MAP4K5: variants seen among roughly 807,000 people sequenced by gnomAD.
MAP4K5 encodes MAPK/ERK kinase kinase kinase 5.
MAP4K5 carries 82 observed loss-of-function variants against 135.6 expected under a neutral mutation model. The ratio of observed to expected loss-of-function variants is 0.60; its 90% CI spans 0.51 to 0.73. The LOEUF (loss-of-function observed/expected upper bound fraction) is 0.73. Ranked by LOEUF, MAP4K5 falls within the 30% of genes least tolerant of loss-of-function variation. The pLI is 0.00. For synonymous variants in MAP4K5, 347 were observed against 335.0 expected (o/e 1.04, Z -0.39); for missense variants, 907 against 1,010.9 (o/e 0.90, Z 1.39).
At chr14:50,460,103 C>G (rs1242313013) in intron 13 of MAP4K5, among the ~76,000 whole-genome samples, 1 of 152,110 alleles carries the variant, frequency 6.6e-6, no homozygotes, top group African/African-American at 2.4e-5. Flanking sequence ...CATTTATTCT[C>G]TTCCTCTAAT....
At chr14:50,519,122 C>A (rs1332561373) in intron 2 of MAP4K5, among the ~76,000 whole-genome samples, 4 of 151,712 alleles carry the variant, frequency 2.6e-5, no homozygotes, top group African/African-American at 9.7e-5. Context: ...TATAACTATA[C>A]AAGAAAATAA....
In MAP4K5 at chr14:50,440,448, T is replaced by C. The variant is rs2036202049; in HGVS notation, c.1565-7A>G. The stretch of plus-strand genomic sequence containing the variant: ...CCAAAAATAATGTACTGATCTAAAA[T>C]AGTTGAGATAAATCACCAGAATTTA... On this transcript the variant is annotated splice_polypyrimidine_tract_variant and splice_region_variant and intron_variant, in intron 21 of 32. Coordinates refer to ENST00000682126, the MANE Select transcript of MAP4K5 (RefSeq NM_006575.6). The C allele has an allele frequency of 5.5e-6, 8 of 1,449,492 alleles. No homozygotes were observed. The highest frequency in any genetic ancestry group is 6.7e-6 in the Non-Finnish European group (7 of 1,051,790). 89.8% of individuals were successfully genotyped at this position (1,449,492 alleles called of 1,614,324 possible). A position where few individuals can be genotyped will look rare whatever the true frequency, so the allele number is the denominator to read the frequency against.
intron 28 of MAP4K5, among the ~76,000 whole-genome samples, chr14:50,430,277 T>C (rs1346158604): frequency 6.6e-6 from 1 of 152,226 alleles, no homozygotes; most frequent in Admixed American, 6.5e-5. Flanking sequence ...GAGTTAAACA[T>C]GCCCAACTAC....
At chr14:50,486,959 G>A (rs2037376049) in intron 3 of MAP4K5, among the ~76,000 whole-genome samples, 1 of 151,452 alleles carries the variant, frequency 6.6e-6, no homozygotes, top group South Asian at 2.1e-4. Context: ...AGGCCAAGAA[G>A]GAAAAACTCA....
intron 3 of MAP4K5, among the ~76,000 whole-genome samples, chr14:50,494,567 A>G (rs2037555229): frequency 1.3e-5 from 2 of 152,216 alleles, no homozygotes; most frequent in African/African-American, 4.8e-5. Context: ...CAGAAATAAA[A>G]AAGAATCATT....
chr14:50,492,989 G>C (rs1163971354), intron 3 of MAP4K5, among the ~76,000 whole-genome samples: 2 of 148,182 alleles, frequency 1.3e-5, no homozygotes. Context: ...AGCTATGACT[G>C]CACCACTGCC....
At chr14:50,558,273 C>G (rs1262439515) in intron 1 of MAP4K5, among the ~76,000 whole-genome samples, 1 of 152,134 alleles carries the variant, frequency 6.6e-6, no homozygotes, top group Non-Finnish European at 1.5e-5. Context: ...GCATGAGAAT[C>G]GCTTGAACCT....
intron 2 of MAP4K5, among the ~76,000 whole-genome samples, chr14:50,507,886 C>A (rs2037846671): frequency 6.6e-6 from 1 of 152,212 alleles, no homozygotes; most frequent in South Asian, 2.1e-4. Flanking sequence ...GAGCTGAGTT[C>A]AAGTCCTGGA....
chr14:50,518,917 T>C (rs191763500), intron 2 of MAP4K5, among the ~76,000 whole-genome samples: 3 of 152,288 alleles, frequency 2.0e-5, no homozygotes, highest in Admixed American at 6.5e-5. Flanking sequence ...GCAAATTTTT[T>C]TGGAGAATAA....
intron 3 of MAP4K5, among the ~76,000 whole-genome samples, chr14:50,504,595 A>G (rs992010634): frequency 6.6e-6 from 1 of 152,124 alleles, no homozygotes; most frequent in Non-Finnish European, 1.5e-5. Flanking sequence ...GTGTCTTCCA[A>G]TTCTGAATGT....
chr14:50,489,775 T>G (rs890441970), intron 3 of MAP4K5, among the ~76,000 whole-genome samples: 3 of 152,164 alleles, frequency 2.0e-5, no homozygotes, highest in African/African-American at 4.8e-5. Context: ...CTTGAAAATG[T>G]GAACCATGGA....
At chr14:50,451,562 A>G (rs997965332) in intron 14 of MAP4K5, among the ~76,000 whole-genome samples, 2 of 152,198 alleles carry the variant, frequency 1.3e-5, no homozygotes, top group African/African-American at 4.8e-5. Flanking sequence ...ATACTGCAGT[A>G]CCTCATATCT....
chr14:50,491,614 C>T (rs1004015520), intron 3 of MAP4K5, among the ~76,000 whole-genome samples: 37 of 151,952 alleles, frequency 2.4e-4, no homozygotes, highest in African/African-American at 8.9e-4. Context: ...TCTTAAACTC[C>T]TAAAACTGTG....
At chr14:50,528,688 T>C (rs1363278716) in intron 2 of MAP4K5, among the ~76,000 whole-genome samples, 1 of 152,086 alleles carries the variant, frequency 6.6e-6, no homozygotes, top group Non-Finnish European at 1.5e-5. Flanking sequence ...GCCACTGGAC[T>C]CCAGCCTAAA....
chr14:50,497,212 A>G (rs558102141), intron 3 of MAP4K5, among the ~76,000 whole-genome samples: 1 of 152,310 alleles, frequency 6.6e-6, no homozygotes, highest in South Asian at 2.1e-4. Context: ...TAATAAGTAA[A>G]TATGGTTTTT....
At chr14:50,552,224 C>A (rs2038711611) in intron 1 of MAP4K5, among the ~76,000 whole-genome samples, 1 of 152,012 alleles carries the variant, frequency 6.6e-6, no homozygotes, top group Non-Finnish European at 1.5e-5. Context: ...AATGACAAAG[C>A]TGAGAATCAA....
chr14:50,425,693 T>C (rs1468687680), intron 31 of MAP4K5, among the ~76,000 whole-genome samples: 1 of 152,246 alleles, frequency 6.6e-6, no homozygotes, highest in Non-Finnish European at 1.5e-5. Flanking sequence ...TGAACTTATA[T>C]TTTGCAATTC....
intron 17 of MAP4K5, 150 bp from the exon 18 acceptor site, chr14:50,445,344 A>G (rs1417643955): frequency 3.7e-6 from 2 of 540,086 alleles, no homozygotes; most frequent in Non-Finnish European, 6.1e-6. Flanking sequence ...ACTGCCCAAC[A>G]CAACTATCAA....
intron 6 of MAP4K5, among the ~76,000 whole-genome samples, chr14:50,476,960 T>C (rs2037115444): frequency 6.6e-6 from 1 of 152,192 alleles, no homozygotes; most frequent in Non-Finnish European, 1.5e-5. Context: ...TGTCTGACTA[T>C]TCTAGGTGTT....
Sources: allele counts gnomAD v4.1 joint callset (sites outside exome capture counted in the v4.1 genomes callset), GRCh38; gene constraint gnomAD v4.1.1; transcripts MANE v1.5; gene names NCBI Gene and HGNC (gene_info 2026-07-23, HGNC 2026-07-21).